Variants in FNDC3A observed in about 807,000 individuals in gnomAD.
FNDC3A encodes fibronectin type-III domain-containing protein 3A.
Under a neutral mutation model 148.9 loss-of-function variants are expected in FNDC3A, and 32 were observed. The observed-to-expected ratio is 0.21, with a 90% CI of 0.16 to 0.29. FNDC3A has a LOEUF of 0.29. Ranked by LOEUF, FNDC3A falls within the 10% of genes least tolerant of loss-of-function variation. FNDC3A has a pLI of 1.00. For synonymous variants in FNDC3A, 472 were observed against 473.6 expected, an observed-to-expected ratio of 1.00 and a Z score of 0.04; for missense variants, 1,191 against 1,452.8, an observed-to-expected ratio of 0.82 and a Z score of 2.93.
rs191573245 is a variant in FNDC3A, at chr13:48,991,093, T to C, written c.-40+14916T>C. 3.7e-3 allele frequency among the ~76,000 whole-genome samples: 562 copies of C among 152,288 alleles called. 14 individuals carry two copies. Among genetic ancestry groups the C allele is most frequent in the Admixed American group, 0.034 (523 of 15,306 alleles). ...AGATGGTGATGTAAATCCAGTCGTA[T>C]CAACAATCACATTACATATAAATGG... On this transcript the variant is annotated intron_variant, in intron 1 of 25. Coordinates refer to ENST00000492622, the MANE Select transcript of FNDC3A (RefSeq NM_001079673.2).
At chr13:49,136,906 G>A (rs929356923) in intron 6 of FNDC3A, among the ~76,000 whole-genome samples, 4 of 151,678 alleles carry the variant, frequency 2.6e-5, no homozygotes, top group Admixed American at 6.6e-5. Flanking sequence ...TTTGAGACAG[G>A]GTCTTGCTTT....
At chr13:49,119,740 G>A (rs1208088489) in intron 4 of FNDC3A, among the ~76,000 whole-genome samples, 1 of 151,850 alleles carries the variant, frequency 6.6e-6, no homozygotes, top group Admixed American at 6.6e-5. Flanking sequence ...AAGGATGTCA[G>A]AGATTGAAGA....
intron 1 of FNDC3A, among the ~76,000 whole-genome samples, chr13:48,988,866 A>G (rs1951855563): frequency 6.6e-6 from 1 of 151,910 alleles, no homozygotes; most frequent in Non-Finnish European, 1.5e-5. Flanking sequence ...AAAAGATAAG[A>G]AAAAGCTTAT....
At chr13:49,138,885 T>C in intron 7 of FNDC3A, 80 bp downstream of exon 7, 1 of 759,662 alleles carries the variant, frequency 1.3e-6, no homozygotes, top group South Asian at 2.2e-5. Context: ...TGTAGTTTTT[T>C]TCTTTTAACT....
At chr13:49,088,083 T>C (rs1351464888) in intron 3 of FNDC3A, among the ~76,000 whole-genome samples, 2 of 152,162 alleles carry the variant, frequency 1.3e-5, no homozygotes, top group Admixed American at 6.6e-5. Context: ...ATTAGCCCAA[T>C]AGACATATTA....
At chr13:49,033,951 G>A (rs905044874) in intron 2 of FNDC3A, among the ~76,000 whole-genome samples, 1 of 151,836 alleles carries the variant, frequency 6.6e-6, no homozygotes, top group Admixed American at 6.6e-5. Flanking sequence ...ATGAAAAATT[G>A]TAAAAACCAC....
chr13:49,035,617 G>GA (rs1409209015), intron 2 of FNDC3A, among the ~76,000 whole-genome samples: 1 of 151,716 alleles, frequency 6.6e-6, no homozygotes, highest in Non-Finnish European at 1.5e-5. Flanking sequence ...GCCTAAACAG[G>GA]AAAAAAAATT....
At chr13:49,092,349 G>T (rs1879243937) in intron 3 of FNDC3A, among the ~76,000 whole-genome samples, 2 of 152,242 alleles carry the variant, frequency 1.3e-5, no homozygotes, top group Admixed American at 6.5e-5. Flanking sequence ...TTTCTTGGTT[G>T]TAGGAGGGGC....
At chr13:49,061,866 C>T (rs1436767710) in intron 2 of FNDC3A, among the ~76,000 whole-genome samples, 3 of 131,884 alleles carry the variant, frequency 2.3e-5, no homozygotes, top group Non-Finnish European at 3.2e-5. Context: ...AGTGATCCTC[C>T]TGCCTCAGCC....
At chr13:49,073,504 A>G (rs1191133404) in intron 2 of FNDC3A, among the ~76,000 whole-genome samples, 3 of 151,636 alleles carry the variant, frequency 2.0e-5, no homozygotes, top group African/African-American at 4.8e-5. Flanking sequence ...TCCACACCCA[A>G]CCTCATCTGA....
At chr13:48,976,439 C>T (rs1254619597) in intron 1 of FNDC3A, among the ~76,000 whole-genome samples, 1 of 152,194 alleles carries the variant, frequency 6.6e-6, no homozygotes, top group Non-Finnish European at 1.5e-5. Flanking sequence ...AGCCAGGACA[C>T]GCTTGCGGGG....
intron 8 of FNDC3A, among the ~76,000 whole-genome samples, chr13:49,148,115 A>G (rs1466830584): frequency 6.6e-6 from 1 of 152,102 alleles, no homozygotes; most frequent in South Asian, 2.1e-4. Context: ...TATTCTGGAT[A>G]TTAGTCTTTT....
chr13:48,987,226 A>G (rs929380459), intron 1 of FNDC3A, among the ~76,000 whole-genome samples: 4 of 152,256 alleles, frequency 2.6e-5, no homozygotes, highest in African/African-American at 9.6e-5. Context: ...TATGTGCTCC[A>G]AAGACACTAG....
intron 8 of FNDC3A, among the ~76,000 whole-genome samples, chr13:49,150,111 T>C (rs1883203292): frequency 6.6e-6 from 1 of 152,156 alleles, no homozygotes; most frequent in Admixed American, 6.5e-5. Flanking sequence ...TTCTGATTTT[T>C]TATTTGTTTT....
intron 1 of FNDC3A, among the ~76,000 whole-genome samples, chr13:48,979,069 C>T (rs1951653711): frequency 6.6e-6 from 1 of 152,102 alleles, no homozygotes; most frequent in Non-Finnish European, 1.5e-5. Context: ...GGTCTTCCAT[C>T]AAGTTCCTTT....
chr13:49,055,601 C>G (rs1876178941), intron 2 of FNDC3A, among the ~76,000 whole-genome samples: 1 of 152,196 alleles, frequency 6.6e-6, no homozygotes, highest in Non-Finnish European at 1.5e-5. Context: ...AACCCCTTAT[C>G]ATAACCCAGA....
rs1338683836 is a variant in FNDC3A at position 49,209,165 on chromosome 13, T to C, written c.*1770T>C. 6.6e-6 allele frequency: 1 copy of C among 152,630 alleles called. No individual in the cohort carries two copies. The highest frequency in any genetic ancestry group is 2.4e-5 in the African/African-American group (1 of 41,464). The allele number at this position is 152,630 out of a possible 1,614,324, so 9.5% of individuals were successfully genotyped here. A position where few individuals can be genotyped will look rare whatever the true frequency, so the allele number is the denominator to read the frequency against. ...AGAAACTTCTTTAAAGTGCCACATT[T>C]GGCAGTACAAATGAGTCTGAGTGTA... On this transcript the variant is annotated 3_prime_UTR_variant, in exon 26 of 26. Transcript: ENST00000492622.
chr13:49,037,479 AAGG>A (rs1328749892), intron 2 of FNDC3A, among the ~76,000 whole-genome samples: 1 of 152,204 alleles, frequency 6.6e-6, no homozygotes, highest in African/African-American at 2.4e-5. Context: ...GCAGTTGGAT[AAGG>A]AGGAGATAGA....
chr13:49,137,584 G>A (rs1977260), intron 6 of FNDC3A, among the ~76,000 whole-genome samples: 151,612 of 152,350 alleles, frequency 1, 75,444 homozygotes, highest in South Asian at 1. Context: ...GGCTCAAGCA[G>A]TCCACCCACC....
Sources: allele counts gnomAD v4.1 joint callset (sites outside exome capture counted in the v4.1 genomes callset), GRCh38; gene constraint gnomAD v4.1.1; transcripts MANE v1.5; gene names NCBI Gene and HGNC (gene_info 2026-07-23, HGNC 2026-07-21).